KAZN: variants seen among roughly 807,000 people sequenced by gnomAD.
KAZN encodes kazrin.
KAZN carries 40 observed loss-of-function variants against 87.4 expected under a neutral mutation model. That is an observed-to-expected ratio of 0.46 (90% CI 0.36 to 0.60). KAZN has a LOEUF of 0.60. Ranked by LOEUF, KAZN falls within the 20% of genes least tolerant of loss-of-function variation. KAZN has a pLI of 0.00. For synonymous variants in KAZN, 466 were observed against 458.3 expected (o/e 1.02, Z -0.22); for missense variants, 898 against 1,073.9 (o/e 0.84, Z 2.29).
rs1302892784 is a variant in KAZN, at chr1:15,059,212, C to T, written c.917-960C>T. Among the ~76,000 whole-genome samples, 5 of 151,892 alleles carry T rather than the reference C, an allele frequency of 3.3e-5. No individual in the cohort carries two copies. The East Asian group carries it at 9.7e-4, about 30-fold the overall frequency. On this transcript the variant is annotated intron_variant, in intron 5 of 14. Coordinates refer to ENST00000376030, the MANE Select transcript of KAZN (RefSeq NM_201628.3). ...TCCGCCTCCCGAAGTGCTGAGACTA[C>T]AGGCATGAGCCACCATGCCCAGCCA...
rs905556744 is a variant in KAZN at position 14,735,652 on chromosome 1, A to G, written c.226+136429A>G. On this transcript the variant is annotated intron_variant, in intron 1 of 14. Transcript: ENST00000376030. This position sits in a 1 kb window ranked among gnomAD's most constrained non-coding sequence, Gnocchi z 4.3. The stretch of plus-strand genomic sequence containing the variant: ...CGAGGCTGCCGTGAGAAGCAGCAGG[A>G]GACACACAAGCTACTTACCGGCCAG... 6.6e-6 allele frequency among the ~76,000 whole-genome samples: 1 copy of G among 152,172 alleles called. No individual in the cohort carries two copies. The highest frequency in any genetic ancestry group is 1.5e-5 in the Non-Finnish European group (1 of 68,034).
At chr1:14,880,732 G>A (rs780554558) in intron 1 of KAZN, among the ~76,000 whole-genome samples, 24 of 152,144 alleles carry the variant, frequency 1.6e-4, no homozygotes, top group Non-Finnish European at 3.4e-4. Context: ...TTCTCCCTGT[G>A]ACCTGGACTT....
intron 8 of KAZN, among the ~76,000 whole-genome samples, chr1:15,088,008 G>A (rs1640343410): frequency 6.6e-6 from 1 of 152,214 alleles, no homozygotes; most frequent in South Asian, 2.1e-4. Flanking sequence ...CACGGAGCTG[G>A]GATTCAAACC....
intron 2 of KAZN, among the ~76,000 whole-genome samples, chr1:14,566,612 A>G (rs1053779571): frequency 6.6e-6 from 1 of 152,266 alleles, no homozygotes; most frequent in Admixed American, 6.5e-5. Context: ...AAGCTATTTC[A>G]TCTACACTGA....
chr1:13,957,226 G>T (rs1389250174), intron 1 of KAZN, among the ~76,000 whole-genome samples: 1 of 152,112 alleles, frequency 6.6e-6, no homozygotes, highest in Non-Finnish European at 1.5e-5. Context: ...CCAGACTTCT[G>T]TCCCCTCACT....
Position 14,620,917 on chromosome 1 carries a change from C to T in KAZN, c.226+21694C>T, listed in dbSNP as rs181101160. Among the ~76,000 whole-genome samples, 71 of 152,322 alleles carry T rather than the reference C, an allele frequency of 4.7e-4. 1 individual carries two copies. Among genetic ancestry groups the T allele is most frequent in the East Asian group, 4.2e-3 (22 of 5,178 alleles). On this transcript the variant is annotated intron_variant, in intron 1 of 14. Coordinates refer to ENST00000376030, the MANE Select transcript of KAZN (RefSeq NM_201628.3). ...ATTTCCATGAAAGTGTCCCCATCAT[C>T]ATCTTCAGTGTGCCCATTTGTTGGG... is the stretch of plus-strand genomic sequence containing the variant.
intron 2 of KAZN, among the ~76,000 whole-genome samples, chr1:14,382,275 T>C (rs756857250): frequency 3.9e-5 from 6 of 152,208 alleles, no homozygotes; most frequent in Non-Finnish European, 8.8e-5. Context: ...CCTATCAAAA[T>C]AACAATATCA....
At chr1:14,455,871 C>A (rs1288238828) in intron 2 of KAZN, among the ~76,000 whole-genome samples, 1 of 152,152 alleles carries the variant, frequency 6.6e-6, no homozygotes, top group Non-Finnish European at 1.5e-5. Flanking sequence ...TTTCTGTGAA[C>A]TTTCTGAAGA....
chr1:14,673,663 CAGGG>C (rs768131426), intron 1 of KAZN, among the ~76,000 whole-genome samples: 19 of 152,200 alleles, frequency 1.2e-4, no homozygotes, highest in Non-Finnish European at 2.2e-4. Context: ...GCTGTGGAAA[CAGGG>C]AGCTGCAGAT....
rs572603542 is a variant in KAZN at position 14,332,911 on chromosome 1, T to A, written c.249+152319T>A. Reference sequence around the variant, plus strand: ...TTCTTTTTAAGTTCTGGGGTACATGTGCAGGATGTGCAGGTTTGTTACATA... The same window carrying A: ...TTCTTTTTAAGTTCTGGGGTACATGAGCAGGATGTGCAGGTTTGTTACATA... On this transcript the variant is annotated intron_variant, in intron 2 of 16. Transcript: ENST00000636203. Among the ~76,000 whole-genome samples the A allele has an allele frequency of 2.9e-4, 44 of 152,338 alleles. No individual in the cohort carries two copies. The South Asian group carries it at 8.9e-3, about 31-fold the overall frequency.
At chr1:14,364,052 T>G (rs925849978) in intron 2 of KAZN, among the ~76,000 whole-genome samples, 16 of 152,028 alleles carry the variant, frequency 1.1e-4, no homozygotes, top group Admixed American at 7.2e-4. Flanking sequence ...TTTGCCTCAG[T>G]ACCGTTTTCA....
chr1:14,480,337 C>T (rs1669001547), intron 2 of KAZN, among the ~76,000 whole-genome samples: 1 of 152,186 alleles, frequency 6.6e-6, no homozygotes, highest in Non-Finnish European at 1.5e-5. Flanking sequence ...GGGCAAGTTC[C>T]TGCCACTCTG....
At chr1:14,755,604 G>A (rs1364042063) in intron 1 of KAZN, among the ~76,000 whole-genome samples, 2 of 152,158 alleles carry the variant, frequency 1.3e-5, no homozygotes, top group Non-Finnish European at 2.9e-5. Context: ...AAAATGAGAT[G>A]CAGGCTCTGG....
intron 1 of KAZN, among the ~76,000 whole-genome samples, chr1:14,602,902 T>G (rs1488115751): frequency 1.3e-5 from 2 of 152,236 alleles, no homozygotes; most frequent in Non-Finnish European, 2.9e-5. Context: ...TGTGGAGGAC[T>G]TCCTGCCTAC....
intron 2 of KAZN, among the ~76,000 whole-genome samples, chr1:14,324,020 C>T (rs984053338): frequency 2.0e-5 from 3 of 152,274 alleles, no homozygotes; most frequent in Middle Eastern, 6.8e-3. Context: ...TTATCTCATA[C>T]TTACAATGCC....
rs552199477 is a variant in KAZN at position 14,670,458 on chromosome 1, G to A, written c.226+71235G>A. Reference sequence around the variant, plus strand: ...TAACACGTACCTAGGTGATGCTGCTGCCACTGCTCCAGGGGCTACACTTTG... The same window carrying A: ...TAACACGTACCTAGGTGATGCTGCTACCACTGCTCCAGGGGCTACACTTTG... On this transcript the variant is annotated intron_variant, in intron 1 of 14. Coordinates refer to ENST00000376030, the MANE Select transcript of KAZN (RefSeq NM_201628.3). Among the ~76,000 whole-genome samples, 39 of 152,328 alleles carry A rather than the reference G, an allele frequency of 2.6e-4. No homozygotes were observed. In the South Asian group the frequency reaches 7.5e-3, roughly 29 times the overall value.
intron 1 of KAZN, among the ~76,000 whole-genome samples, chr1:14,010,038 A>G (rs1452694935): frequency 1.3e-5 from 2 of 152,192 alleles, no homozygotes; most frequent in Non-Finnish European, 2.9e-5. Context: ...CATTCAATTA[A>G]CACATCAACA....
intron 2 of KAZN, among the ~76,000 whole-genome samples, chr1:14,274,153 C>T (rs1038767690): frequency 2.0e-5 from 3 of 152,146 alleles, no homozygotes; most frequent in African/African-American, 2.4e-5. Flanking sequence ...GAGCTACAAA[C>T]GTTGCCTTGG....
chr1:14,423,323 A>G (rs1034320957), intron 2 of KAZN, among the ~76,000 whole-genome samples: 2 of 152,124 alleles, frequency 1.3e-5, no homozygotes, highest in African/African-American at 4.8e-5. Context: ...AACAGCATGT[A>G]CTCTATTTTT....
Sources: gnomAD v4.1 joint callset for allele counts (sites outside exome capture counted in the v4.1 genomes callset) on GRCh38, gnomAD v4.1.1 for gene constraint, Gnocchi (gnomAD v3.1) non-coding constraint, MANE v1.5 for transcripts, NCBI Gene and HGNC (gene_info 2026-07-23, HGNC 2026-07-21) for gene names.